The following LUZP2 variants were observed in gnomAD, a reference collection of about 807,000 sequenced individuals.
The protein encoded by LUZP2 is leucine zipper protein 2.
LUZP2 carries 52 observed loss-of-function variants against 51.6 expected under a neutral mutation model. That is an observed-to-expected ratio of 1.01 (90% confidence interval 0.81 to 1.27). The LOEUF (loss-of-function observed/expected upper bound fraction) is 1.27. Among genes scored for constraint, LUZP2 ranks in the 50% most tolerant of loss-of-function variants. The pLI is 0.00. For missense variants in LUZP2, 436 were observed against 395.4 expected (o/e 1.10, Z -0.87); for synonymous variants, 154 against 137.3 (o/e 1.12, Z -0.85).
intron 9 of LUZP2, among the ~76,000 whole-genome samples, chr11:25,039,895 T>C (rs1189805962): frequency 6.6e-6 from 1 of 152,184 alleles, no homozygotes; most frequent in Non-Finnish European, 1.5e-5. Context: ...AGGTCATCTT[T>C]TTTGAAAAAT....
chr11:24,696,783 T>C (rs1857260964), intron 1 of LUZP2, among the ~76,000 whole-genome samples: 1 of 152,036 alleles, frequency 6.6e-6, no homozygotes, highest in African/African-American at 2.4e-5. Context: ...TATAAGAATT[T>C]TTATAAACAA....
chr11:24,770,741 A>C (rs1860378234), intron 5 of LUZP2, among the ~76,000 whole-genome samples: 1 of 152,338 alleles, frequency 6.6e-6, no homozygotes, highest in Non-Finnish European at 1.5e-5. Flanking sequence ...ATTCTTGGTT[A>C]TGGCAAAATT....
intron 9 of LUZP2, among the ~76,000 whole-genome samples, chr11:25,040,828 A>T (rs1458523311): frequency 6.6e-6 from 1 of 152,218 alleles, no homozygotes; most frequent in Admixed American, 6.5e-5. Flanking sequence ...CAAAATGACT[A>T]TTCCAATCAT....
At chr11:24,663,125 T>C (rs536701036) in intron 1 of LUZP2, among the ~76,000 whole-genome samples, 5 of 152,302 alleles carry the variant, frequency 3.3e-5, no homozygotes, top group Admixed American at 6.5e-5. Flanking sequence ...TTAGTAATTA[T>C]ATTTTATAGG....
intron 1 of LUZP2, among the ~76,000 whole-genome samples, chr11:24,643,474 G>C (rs141328126): frequency 6.1e-4 from 92 of 152,022 alleles, no homozygotes; most frequent in African/African-American, 2.1e-3. Flanking sequence ...ACAAAATAAG[G>C]CTACTTACCC....
intron 1 of LUZP2, among the ~76,000 whole-genome samples, chr11:24,569,168 A>G (rs1017733257): frequency 2.0e-5 from 3 of 152,080 alleles, no homozygotes; most frequent in Admixed American, 6.6e-5. Flanking sequence ...AGCCTGTTAA[A>G]GCATGATTAA....
At chr11:24,682,356 A>G (rs1051680061) in intron 1 of LUZP2, among the ~76,000 whole-genome samples, 62 of 151,644 alleles carry the variant, frequency 4.1e-4, no homozygotes, top group African/African-American at 1.4e-3. Context: ...TTAGCCGGCT[A>G]CGGTGGCAAG....
chr11:25,024,768 C>T (rs1857435858), intron 9 of LUZP2, among the ~76,000 whole-genome samples: 1 of 150,480 alleles, frequency 6.6e-6, no homozygotes. Context: ...CTACCAATGA[C>T]TTTCTTCACA....
At chr11:25,073,285 T>A (rs771856160) in intron 10 of LUZP2, among the ~76,000 whole-genome samples, 2 of 152,206 alleles carry the variant, frequency 1.3e-5, no homozygotes, top group Non-Finnish European at 2.9e-5. Flanking sequence ...CTCAGGCTTC[T>A]TATGACCTTC....
rs139207281 is a variant in LUZP2, at chr11:24,912,250, T to A, written c.460-2226T>A. 3.5e-3 allele frequency among the ~76,000 whole-genome samples: 530 copies of A among 151,918 alleles called. 6 individuals carry two copies. Among genetic ancestry groups the A allele is most frequent in the African/African-American group, 0.012 (484 of 41,406 alleles). On this transcript the variant is annotated intron_variant, in intron 6 of 11. Coordinates refer to ENST00000336930, the MANE Select transcript of LUZP2 (RefSeq NM_001009909.4). Reference sequence around the variant, plus strand: ...CTTCCTGTCTCCTTTTCTTTTTTTTTAATTTTATTTCATTTTGTTTTCTTT... The same window carrying A: ...CTTCCTGTCTCCTTTTCTTTTTTTTAAATTTTATTTCATTTTGTTTTCTTT...
At chr11:24,875,906 G>C (rs1480774448) in intron 5 of LUZP2, among the ~76,000 whole-genome samples, 4 of 151,288 alleles carry the variant, frequency 2.6e-5, no homozygotes, top group Non-Finnish European at 5.9e-5. Flanking sequence ...GTCTTCTTTT[G>C]AGAAGTGTCT....
chr11:24,769,338 G>A (rs1218177771), intron 5 of LUZP2, among the ~76,000 whole-genome samples: 1 of 152,130 alleles, frequency 6.6e-6, no homozygotes, highest in Non-Finnish European at 1.5e-5. Context: ...GATCACTGTA[G>A]TCACCAACAG....
intron 5 of LUZP2, among the ~76,000 whole-genome samples, chr11:24,773,542 C>T (rs759979165): frequency 1.3e-5 from 2 of 152,094 alleles, no homozygotes; most frequent in African/African-American, 4.8e-5. Context: ...AAGGATGAGA[C>T]AGAGTGGGCT....
intron 1 of LUZP2, among the ~76,000 whole-genome samples, chr11:24,715,263 A>ATGTGTGTGTGTG (rs58368050): frequency 0.064 from 8,506 of 133,274 alleles, 400 homozygotes; most frequent in Non-Finnish European, 0.085. Context: ...AGGAGCAACT[A>ATGTGTGTGTGTG]TGTGTGTGTG....
intron 4 of LUZP2, among the ~76,000 whole-genome samples, chr11:24,738,575 T>A (rs1859025317): frequency 6.6e-6 from 1 of 151,938 alleles, no homozygotes; most frequent in Admixed American, 6.6e-5. Context: ...AGTTCTGGTG[T>A]CAGGGCTTCA....
chr11:24,953,365 G>A (rs960251368), intron 7 of LUZP2, among the ~76,000 whole-genome samples: 1 of 151,908 alleles, frequency 6.6e-6, no homozygotes, highest in Non-Finnish European at 1.5e-5. Context: ...AAAAATACCT[G>A]TGGGAAATAT....
chr11:24,951,092 C>T (rs2133863535), intron 7 of LUZP2, among the ~76,000 whole-genome samples: 1 of 151,456 alleles, frequency 6.6e-6, no homozygotes, highest in African/African-American at 2.4e-5. Context: ...CAATGAAGCC[C>T]TGAACAACAT....
intron 1 of LUZP2, among the ~76,000 whole-genome samples, chr11:24,578,561 T>TA (rs3077989): frequency 6.1e-4 from 90 of 146,516 alleles, no homozygotes; most frequent in African/African-American, 1.3e-3. Flanking sequence ...TGGGCTGGAT[T>TA]AAAAAAAAAA....
chr11:24,974,685 A>G (rs1855836193), intron 7 of LUZP2, among the ~76,000 whole-genome samples: 1 of 152,026 alleles, frequency 6.6e-6, no homozygotes, highest in South Asian at 2.1e-4. Context: ...GCTTATCAGG[A>G]ATACTGTTGT....
Sources: gnomAD v4.1 joint callset for allele counts (sites outside exome capture counted in the v4.1 genomes callset) on GRCh38, gnomAD v4.1.1 for gene constraint, MANE v1.5 for transcripts, NCBI Gene and HGNC (gene_info 2026-07-23, HGNC 2026-07-21) for gene names.